Variants in AK5 observed in about 807,000 individuals in gnomAD.
The protein encoded by AK5 is adenylate kinase isoenzyme 5.
AK5 carries 27 observed loss-of-function variants against 69.5 expected under a neutral mutation model. The observed-to-expected ratio is 0.39, with a 90% CI of 0.29 to 0.54. AK5 has a LOEUF of 0.54. AK5 is among the 20% of genes least tolerant of loss of function. The pLI is 0.71. For missense variants in AK5, 531 were observed against 700.4 expected, an observed-to-expected ratio of 0.76 and a Z score of 2.73; for synonymous variants, 260 against 244.4, an observed-to-expected ratio of 1.06 and a Z score of -0.60.
At chr1:77,367,863 T>TATATAAC (rs1557534454) in intron 6 of AK5, among the ~76,000 whole-genome samples, 1 of 4,504 alleles carries the variant, frequency 2.2e-4, no homozygotes, top group Admixed American at 4.2e-3. Flanking sequence ...TAATATATAA[T>TATATAAC]ATATGTGATA....
intron 8 of AK5, chr1:77,417,936 G>C (rs942333604): frequency 2.5e-6 from 1 of 406,930 alleles, no homozygotes; most frequent in Non-Finnish European, 4.4e-6. Flanking sequence ...GTGAATTAAA[G>C]AAAGGTTTAT....
chr1:77,499,422 G>A (rs1656563792), intron 10 of AK5, among the ~76,000 whole-genome samples: 1 of 152,166 alleles, frequency 6.6e-6, no homozygotes, highest in South Asian at 2.1e-4. Context: ...CAGGCTGCAG[G>A]GAATCCCTTC....
chr1:77,288,035 A>T (rs1485210524), intron 2 of AK5, among the ~76,000 whole-genome samples: 1 of 152,264 alleles, frequency 6.6e-6, no homozygotes, highest in African/African-American at 2.4e-5. Flanking sequence ...AGTTAATTCA[A>T]TAAAAGTGTA....
At chr1:77,390,188 AT>A (rs1486720064) in intron 6 of AK5, among the ~76,000 whole-genome samples, 1 of 152,184 alleles carries the variant, frequency 6.6e-6, no homozygotes, top group Non-Finnish European at 1.5e-5. Flanking sequence ...CATTCTGTTC[AT>A]TTCTGACATT....
At chr1:77,332,240 C>T (rs1488266436) in intron 5 of AK5, among the ~76,000 whole-genome samples, 1 of 151,604 alleles carries the variant, frequency 6.6e-6, no homozygotes. Flanking sequence ...CGTGCCTTTC[C>T]TCTTTTTCTT....
chr1:77,392,987 C>T (rs1336908040), intron 6 of AK5, among the ~76,000 whole-genome samples: 2 of 151,988 alleles, frequency 1.3e-5, no homozygotes, highest in South Asian at 2.1e-4. Context: ...GGCTGGAGTG[C>T]GGTGATGTGA....
chr1:77,355,868 TACAC>T (rs66682700), intron 6 of AK5, among the ~76,000 whole-genome samples: 47,952 of 145,838 alleles, frequency 0.33, 7,852 homozygotes, highest in South Asian at 0.38. Flanking sequence ...CCTCATTAAA[TACAC>T]ACACACACAC....
chr1:77,430,354 G>C (rs1025709409), intron 8 of AK5, among the ~76,000 whole-genome samples: 1 of 152,178 alleles, frequency 6.6e-6, no homozygotes, highest in African/African-American at 2.4e-5. Flanking sequence ...TTTTCAACTG[G>C]TACAGCTGGG....
At chr1:77,322,863 A>G (rs1242888521) in intron 5 of AK5, among the ~76,000 whole-genome samples, 2 of 152,212 alleles carry the variant, frequency 1.3e-5, no homozygotes, top group Non-Finnish European at 2.9e-5. Flanking sequence ...TGGACAACAT[A>G]TTAAAGTGAA....
At chr1:77,463,835 G>A (rs955831166) in intron 8 of AK5, among the ~76,000 whole-genome samples, 1 of 152,154 alleles carries the variant, frequency 6.6e-6, no homozygotes, top group African/African-American at 2.4e-5. Flanking sequence ...CCTAGAGAAG[G>A]ATGCTCATTG....
At chr1:77,377,021 C>T (rs904063526) in intron 6 of AK5, among the ~76,000 whole-genome samples, 3 of 152,214 alleles carry the variant, frequency 2.0e-5, no homozygotes. Context: ...AATTATATGA[C>T]TCTACTTGAA....
chr1:77,416,384 G>A (rs1023186113), intron 7 of AK5, among the ~76,000 whole-genome samples: 1 of 152,110 alleles, frequency 6.6e-6, no homozygotes, highest in Non-Finnish European at 1.5e-5. Flanking sequence ...GGGTTGTTCT[G>A]AACACACTTA....
intron 6 of AK5, among the ~76,000 whole-genome samples, chr1:77,395,857 C>T (rs375083908): frequency 5.3e-5 from 8 of 152,186 alleles, no homozygotes; most frequent in African/African-American, 1.9e-4. Context: ...TCGGATAATC[C>T]CAAGATTCTT....
intron 8 of AK5, among the ~76,000 whole-genome samples, chr1:77,462,240 C>T (rs61784765): frequency 1.1e-4 from 16 of 152,214 alleles, no homozygotes; most frequent in South Asian, 2.1e-4. Context: ...AACCCTCTCA[C>T]TGCCTTGATC....
Position 77,534,988 on chromosome 1 carries a change from G to C in AK5, c.1429-859G>C, listed in dbSNP as rs370179839. Among the ~76,000 whole-genome samples, 21 of 152,322 alleles carry C rather than the reference G, an allele frequency of 1.4e-4. No individual in the cohort carries two copies. In the South Asian group the frequency reaches 4.4e-3, roughly 32 times the overall value. On this transcript the variant is annotated intron_variant, in intron 12 of 13. Transcript: ENST00000354567. ...GCTGGGGCTGAGATCCATGTCTGGA[G>C]CCAGGGCTGGGATATCTAAAACAGT...
chr1:77,319,738 G>C (rs1417012640), intron 5 of AK5, among the ~76,000 whole-genome samples: 1 of 152,128 alleles, frequency 6.6e-6, no homozygotes, highest in Non-Finnish European at 1.5e-5. Context: ...TTAAGTAATT[G>C]CCAAAAATAT....
At chr1:77,472,675 G>A (rs545472642) in intron 8 of AK5, among the ~76,000 whole-genome samples, 1 of 145,336 alleles carries the variant, frequency 6.9e-6, no homozygotes, top group South Asian at 2.3e-4. Flanking sequence ...TTGAGCTCAG[G>A]AGTTCGAGAA....
At chr1:77,386,052 T>G (rs1251241642) in intron 6 of AK5, among the ~76,000 whole-genome samples, 2 of 152,232 alleles carry the variant, frequency 1.3e-5, no homozygotes, top group African/African-American at 2.4e-5. Context: ...ATATATTACT[T>G]TGATTTAATT....
chr1:77,527,537 A>G (rs774580604), intron 12 of AK5, among the ~76,000 whole-genome samples: 1 of 152,244 alleles, frequency 6.6e-6, no homozygotes, highest in Non-Finnish European at 1.5e-5. Flanking sequence ...TCATGATTCC[A>G]TTTCAAACAA....
Sources: gnomAD v4.1 joint callset for allele counts (sites outside exome capture counted in the v4.1 genomes callset) on GRCh38, gnomAD v4.1.1 for gene constraint, MANE v1.5 for transcripts, NCBI Gene and HGNC (gene_info 2026-07-23, HGNC 2026-07-21) for gene names.